TPST1: variants seen among roughly 807,000 people sequenced by gnomAD.
TPST1 encodes protein-tyrosine sulfotransferase 1.
In TPST1, 20 loss-of-function variants were observed where a neutral mutation model predicts 34.8. The ratio of observed to expected loss-of-function variants is 0.57; its 90% CI spans 0.40 to 0.84. TPST1 has a LOEUF of 0.84. Among genes scored for constraint, TPST1 ranks in the 40% least tolerant of loss-of-function variants. TPST1 has a pLI of 0.00. For missense variants in TPST1, 353 were observed against 455.5 expected, an observed-to-expected ratio of 0.78 and a Z score of 2.05; for synonymous variants, 152 against 159.4, an observed-to-expected ratio of 0.95 and a Z score of 0.35.
chr7:66,306,830 A>G (rs1791432904), intron 3 of TPST1, among the ~76,000 whole-genome samples: 1 of 152,102 alleles, frequency 6.6e-6, no homozygotes, highest in Admixed American at 6.5e-5. Context: ...CTTTTGCCTC[A>G]GCCTCCTGAG....
chr7:66,312,969 A>G (rs1791560365), intron 3 of TPST1, among the ~76,000 whole-genome samples: 1 of 152,176 alleles, frequency 6.6e-6, no homozygotes, highest in South Asian at 2.1e-4. Context: ...GAAGAATAAA[A>G]GAGCTCACTG....
At chr7:66,303,977 C>T (rs560723134) in intron 3 of TPST1, among the ~76,000 whole-genome samples, 1 of 152,258 alleles carries the variant, frequency 6.6e-6, no homozygotes, top group South Asian at 2.1e-4. Context: ...TACCCAGAGG[C>T]AAAGCCCCAG....
chr7:66,260,107 G>T (rs904070582), intron 2 of TPST1, among the ~76,000 whole-genome samples: 1 of 152,136 alleles, frequency 6.6e-6, no homozygotes, highest in Non-Finnish European at 1.5e-5. Context: ...TAGCACTGCT[G>T]TCAATACAGC....
chr7:66,246,668 C>T (rs558467353), intron 2 of TPST1, among the ~76,000 whole-genome samples: 1 of 152,298 alleles, frequency 6.6e-6, no homozygotes, highest in Non-Finnish European at 1.5e-5. Flanking sequence ...ATAATGACTA[C>T]TATGTAGAAG....
intron 1 of TPST1, among the ~76,000 whole-genome samples, chr7:66,228,973 A>G (rs984459319): frequency 6.6e-6 from 1 of 152,174 alleles, no homozygotes; most frequent in African/African-American, 2.4e-5. Flanking sequence ...TGATACATAT[A>G]TTGAGTCATG....
intron 2 of TPST1, among the ~76,000 whole-genome samples, chr7:66,267,608 G>A (rs778470814): frequency 6.6e-6 from 1 of 152,142 alleles, no homozygotes; most frequent in Non-Finnish European, 1.5e-5. Context: ...AGAAACAGGG[G>A]AGAGAAAGGG....
chr7:66,250,670 T>A (rs1584175667), intron 2 of TPST1, among the ~76,000 whole-genome samples: 1 of 152,190 alleles, frequency 6.6e-6, no homozygotes, highest in Non-Finnish European at 1.5e-5. Flanking sequence ...ATATACTATG[T>A]TTTTTCCTGT....
At chr7:66,259,137 T>C (rs1397088068) in intron 2 of TPST1, among the ~76,000 whole-genome samples, 3 of 152,224 alleles carry the variant, frequency 2.0e-5, no homozygotes, top group African/African-American at 7.2e-5. Context: ...TTTATTACTG[T>C]ATTTTGTGAG....
At chr7:66,335,265 G>T (rs1245456155) in intron 3 of TPST1, among the ~76,000 whole-genome samples, 3 of 152,136 alleles carry the variant, frequency 2.0e-5, no homozygotes, top group African/African-American at 7.2e-5. Flanking sequence ...AGACCAGCCT[G>T]GGCAACATAG....
intron 2 of TPST1, among the ~76,000 whole-genome samples, chr7:66,275,349 A>G (rs1039149468): frequency 6.6e-6 from 1 of 152,216 alleles, no homozygotes; most frequent in Non-Finnish European, 1.5e-5. Flanking sequence ...TAGAGCTACC[A>G]TATGATCCAG....
At chr7:66,293,232 C>G (rs1406363934) in intron 3 of TPST1, among the ~76,000 whole-genome samples, 1 of 151,772 alleles carries the variant, frequency 6.6e-6, no homozygotes, top group Non-Finnish European at 1.5e-5. Context: ...AACTTGGGCC[C>G]AGCATAGGGC....
At chr7:66,297,945 A>G (rs1189608430) in intron 3 of TPST1, among the ~76,000 whole-genome samples, 4 of 152,334 alleles carry the variant, frequency 2.6e-5, no homozygotes, top group Middle Eastern at 6.8e-3. Context: ...CTGTTACTAC[A>G]GGATAGAGTC....
intron 1 of TPST1, among the ~76,000 whole-genome samples, chr7:66,230,994 C>G (rs1227565642): frequency 2.0e-5 from 3 of 152,034 alleles, no homozygotes; most frequent in Non-Finnish European, 4.4e-5. Flanking sequence ...ATTCACAAAC[C>G]CTGAGCTAGA....
At chr7:66,317,260 G>C (rs1392707050) in intron 3 of TPST1, among the ~76,000 whole-genome samples, 1 of 151,898 alleles carries the variant, frequency 6.6e-6, no homozygotes. Context: ...TACAGTTTTG[G>C]TGGGGGGTTT....
intron 1 of TPST1, among the ~76,000 whole-genome samples, chr7:66,225,157 TC>T (rs905549333): frequency 2.6e-5 from 4 of 151,236 alleles, no homozygotes; most frequent in African/African-American, 9.7e-5. Flanking sequence ...CCTCAGGTGA[TC>T]CGCCTGCCTT....
At chr7:66,241,780 T>TC (rs1345373361) in intron 2 of TPST1, among the ~76,000 whole-genome samples, 1 of 152,252 alleles carries the variant, frequency 6.6e-6, no homozygotes, top group Non-Finnish European at 1.5e-5. Context: ...TCTAACCTAA[T>TC]CTCTTCATTT....
At chr7:66,259,276 G>A (rs892971102) in intron 2 of TPST1, among the ~76,000 whole-genome samples, 1 of 152,034 alleles carries the variant, frequency 6.6e-6, no homozygotes. Context: ...TGTCTTTCAA[G>A]GAATTTGTTC....
chr7:66,228,033 GT>G (rs1368377772), intron 1 of TPST1, among the ~76,000 whole-genome samples: 1 of 152,110 alleles, frequency 6.6e-6, no homozygotes, highest in Non-Finnish European at 1.5e-5. Flanking sequence ...CTACAAGTAT[GT>G]TTTTGGACAA....
At chr7:66,211,252 A>G (rs1291313340) in intron 1 of TPST1, among the ~76,000 whole-genome samples, 2 of 152,018 alleles carry the variant, frequency 1.3e-5, no homozygotes, top group African/African-American at 2.4e-5. Flanking sequence ...CTCCTGCCTC[A>G]GCCTCCTGAG....
Sources: allele counts gnomAD v4.1 joint callset (sites outside exome capture counted in the v4.1 genomes callset), GRCh38; gene constraint gnomAD v4.1.1; transcripts MANE v1.5; gene names NCBI Gene and HGNC (gene_info 2026-07-23, HGNC 2026-07-21).